The following KCNIP4 variants were observed in gnomAD, a reference collection of about 807,000 sequenced individuals.
The protein encoded by KCNIP4 is Kv channel-interacting protein 4.
Under a neutral mutation model 34.0 loss-of-function variants are expected in KCNIP4, and 12 were observed. The observed-to-expected ratio is 0.35, with a 90% CI of 0.23 to 0.57. The LOEUF (loss-of-function observed/expected upper bound fraction) is 0.57, where lower values mean the gene tolerates loss of function less well. KCNIP4 is among the 20% of genes least tolerant of loss of function. KCNIP4 has a pLI of 0.83. For missense variants in KCNIP4, 238 were observed against 311.7 expected (o/e 0.76, Z 1.78); for synonymous variants, 124 against 102.2 (o/e 1.21, Z -1.29).
intron 3 of KCNIP4, among the ~76,000 whole-genome samples, chr4:20,765,124 T>C (rs1755285827): frequency 6.6e-6 from 1 of 152,182 alleles, no homozygotes; most frequent in South Asian, 2.1e-4. Flanking sequence ...TTCATATGCC[T>C]TTTACTATTC....
At chr4:21,928,161 T>C (rs944862935) in intron 1 of KCNIP4, among the ~76,000 whole-genome samples, 1 of 151,358 alleles carries the variant, frequency 6.6e-6, no homozygotes, top group Non-Finnish European at 1.5e-5. Flanking sequence ...ACTGAAGTTT[T>C]CTTTTCCCTT....
intron 1 of KCNIP4, among the ~76,000 whole-genome samples, chr4:21,743,671 T>C (rs1333155303): frequency 6.6e-6 from 1 of 151,616 alleles, no homozygotes. Context: ...ATGCATACTT[T>C]CTCTTTTTCT....
intron 1 of KCNIP4, among the ~76,000 whole-genome samples, chr4:21,820,218 T>C (rs962296028): frequency 1.3e-5 from 2 of 149,172 alleles, no homozygotes; most frequent in East Asian, 2.0e-4. Flanking sequence ...ATATACAGTA[T>C]AATAAATTAT....
intron 1 of KCNIP4, among the ~76,000 whole-genome samples, chr4:21,663,508 A>G (rs1282065458): frequency 6.6e-6 from 1 of 152,088 alleles, no homozygotes; most frequent in East Asian, 1.9e-4. Flanking sequence ...AGGCTACTCT[A>G]CTACCTGCTT....
intron 3 of KCNIP4, among the ~76,000 whole-genome samples, chr4:20,795,449 CAT>C (rs1444364387): frequency 6.6e-6 from 1 of 152,086 alleles, no homozygotes; most frequent in South Asian, 2.1e-4. Flanking sequence ...TCTAATTTGT[CAT>C]AGTTTTCATT....
At chr4:21,823,473 C>A in intron 1 of KCNIP4, among the ~76,000 whole-genome samples, 1 of 150,332 alleles carries the variant, frequency 6.7e-6, no homozygotes, top group African/African-American at 2.5e-5. Context: ...TCTCCTTGTC[C>A]AAACATAAAT....
Position 20,729,803 on chromosome 4 carries a change from A to ACCAATAAAACTATATGCCAGATT in KCNIP4, c.*256_*278dup, listed in dbSNP as rs1273189265. On this transcript the variant is annotated 3_prime_UTR_variant, in exon 9 of 9. Transcript: ENST00000382152. Reference sequence around the variant, plus strand: ...GCCTCAATAATCCCATGGCTAAGGAACCAATAAAACTATATGCCAGATTCT... The same window carrying ACCAATAAAACTATATGCCAGATT: ...GCCTCAATAATCCCATGGCTAAGGAACCAATAAAACTATATGCCAGATTCCAATAAAACTATATGCCAGATTCT... The ACCAATAAAACTATATGCCAGATT allele has an allele frequency of 6.4e-6, 2 of 312,790 alleles. No homozygotes were observed. Among genetic ancestry groups the ACCAATAAAACTATATGCCAGATT allele is most frequent in the Non-Finnish European group, 1.2e-5 (2 of 171,512 alleles). The allele number at this position is 312,790 out of a possible 1,614,324, so 19.4% of individuals were successfully genotyped here.
chr4:20,856,084 C>T (rs1721541180), intron 2 of KCNIP4, among the ~76,000 whole-genome samples: 1 of 152,178 alleles, frequency 6.6e-6, no homozygotes, highest in African/African-American at 2.4e-5. Flanking sequence ...TGATTCTATT[C>T]AATGGGTCCT....
At chr4:21,073,533 T>C (rs535779818) in intron 1 of KCNIP4, among the ~76,000 whole-genome samples, 2 of 152,330 alleles carry the variant, frequency 1.3e-5, no homozygotes, top group Admixed American at 1.3e-4. Context: ...AAGGAGATTT[T>C]GGGCTGAGAC....
chr4:21,354,347 G>A (rs1206865196), intron 1 of KCNIP4, among the ~76,000 whole-genome samples: 1 of 152,156 alleles, frequency 6.6e-6, no homozygotes, highest in Non-Finnish European at 1.5e-5. Context: ...AAAAGACATA[G>A]ACTGGTAAAT....
chr4:21,570,085 G>C (rs1257052724), intron 1 of KCNIP4, among the ~76,000 whole-genome samples: 1 of 152,122 alleles, frequency 6.6e-6, no homozygotes, highest in Admixed American at 6.5e-5. Context: ...CAACCTGGAA[G>C]TCAGAAAAGA....
chr4:21,261,873 C>G (rs1261079807), intron 1 of KCNIP4, among the ~76,000 whole-genome samples: 24 of 152,162 alleles, frequency 1.6e-4, no homozygotes, highest in Admixed American at 1.6e-3. Context: ...CTCCAATTTA[C>G]ACTTCTCATG....
At chr4:21,223,000 G>C (rs915720308) in intron 1 of KCNIP4, among the ~76,000 whole-genome samples, 1 of 152,164 alleles carries the variant, frequency 6.6e-6, no homozygotes, top group Non-Finnish European at 1.5e-5. Flanking sequence ...CAGAATACTG[G>C]CCTCCCAAAG....
intron 1 of KCNIP4, among the ~76,000 whole-genome samples, chr4:21,460,879 G>C (rs533204424): frequency 1.3e-5 from 2 of 152,156 alleles, no homozygotes; most frequent in East Asian, 3.9e-4. Flanking sequence ...GTATCCTTTA[G>C]ACCCCTGCTA....
At chr4:21,123,324 A>C (rs2109142163) in intron 1 of KCNIP4, among the ~76,000 whole-genome samples, 1 of 152,346 alleles carries the variant, frequency 6.6e-6, no homozygotes, top group Middle Eastern at 3.4e-3. Context: ...GAACCTGGGA[A>C]ACATTTCTGA....
At chr4:21,271,236 C>A (rs1472673170) in intron 1 of KCNIP4, among the ~76,000 whole-genome samples, 2 of 152,078 alleles carry the variant, frequency 1.3e-5, no homozygotes, top group Admixed American at 6.6e-5. Context: ...GGTCATTAAC[C>A]AAACCAAAGT....
intron 1 of KCNIP4, among the ~76,000 whole-genome samples, chr4:21,413,914 A>T (rs1215044964): frequency 1.3e-5 from 2 of 152,058 alleles, no homozygotes; most frequent in African/African-American, 2.4e-5. Flanking sequence ...GTCCCATTAC[A>T]CTCCAAGTCC....
At chr4:21,407,880 A>G (rs1029695742) in intron 1 of KCNIP4, among the ~76,000 whole-genome samples, 7 of 152,220 alleles carry the variant, frequency 4.6e-5, no homozygotes, top group African/African-American at 1.7e-4. Flanking sequence ...ACTTCAAATA[A>G]TTATACAGAT....
chr4:21,778,522 C>T (rs575635901), intron 1 of KCNIP4, among the ~76,000 whole-genome samples: 88 of 152,164 alleles, frequency 5.8e-4, no homozygotes, highest in Non-Finnish European at 9.0e-4. Flanking sequence ...AGCCACTGTG[C>T]TGGGTGTATA....
Sources: gnomAD v4.1 joint callset for allele counts (sites outside exome capture counted in the v4.1 genomes callset) on GRCh38, gnomAD v4.1.1 for gene constraint, MANE v1.5 for transcripts, NCBI Gene and HGNC (gene_info 2026-07-23, HGNC 2026-07-21) for gene names.